The following PACRG variants were observed in gnomAD, a reference collection of about 807,000 sequenced individuals.
PACRG encodes parkin coregulated gene protein.
In PACRG, 29 loss-of-function variants were observed where a neutral mutation model predicts 29.7. The observed-to-expected ratio is 0.98, with a 90% CI of 0.73 to 1.33. PACRG has a LOEUF of 1.33. Ranked by LOEUF, PACRG falls within the 40% of genes most tolerant of loss-of-function variation. The probability of loss-of-function intolerance (pLI) is 0.00; values close to 1 mark genes in which losing one functional copy is unlikely to be tolerated. For synonymous variants in PACRG, 116 were observed against 118.7 expected, an observed-to-expected ratio of 0.98 and a Z score of 0.15; for missense variants, 279 against 316.2, an observed-to-expected ratio of 0.88 and a Z score of 0.89.
At chr6:162,856,085 C>G (rs1479699468) in intron 2 of PACRG, among the ~76,000 whole-genome samples, 2 of 152,114 alleles carry the variant, frequency 1.3e-5, no homozygotes, top group Admixed American at 1.3e-4. Context: ...GAGACTTGGT[C>G]TGGCTCTGTC....
intron 2 of PACRG, among the ~76,000 whole-genome samples, chr6:163,000,719 C>T (rs1164412475): frequency 1.3e-5 from 2 of 152,188 alleles, no homozygotes; most frequent in African/African-American, 4.8e-5. Context: ...TTTCATATCA[C>T]AGTACACAGC....
intron 4 of PACRG, among the ~76,000 whole-genome samples, chr6:163,303,119 C>G (rs902986848): frequency 6.6e-6 from 1 of 152,022 alleles, no homozygotes; most frequent in Non-Finnish European, 1.5e-5. Flanking sequence ...TGACTTAAGT[C>G]GAGACGTTCG....
In PACRG at chr6:163,217,226, G is replaced by T. The variant is rs536455067; in HGVS notation, c.614-97601G>T. ...TAGGGGTGCAGCCCGATTGTTGTAG[G>T]TATGATGCCCAAAGGCTAAAACAAG... On this transcript the variant is annotated intron_variant, in intron 4 of 4. Coordinates refer to ENST00000366888, the MANE Select transcript of PACRG (RefSeq NM_001080379.2). Among the ~76,000 whole-genome samples the T allele has an allele frequency of 4.6e-5, 7 of 152,336 alleles. No individual in the cohort carries two copies. In the East Asian group the frequency reaches 1.2e-3, roughly 25 times the overall value.
chr6:162,757,051 A>T (rs747198085), intron 1 of PACRG, among the ~76,000 whole-genome samples: 64 of 151,678 alleles, frequency 4.2e-4, no homozygotes, highest in Non-Finnish European at 1.2e-4. Flanking sequence ...TGCCTTGCTT[A>T]TTGTGAATTT....
At chr6:162,907,418 A>G (rs1796008456) in intron 2 of PACRG, among the ~76,000 whole-genome samples, 1 of 152,174 alleles carries the variant, frequency 6.6e-6, no homozygotes, top group African/African-American at 2.4e-5. Context: ...TATTTTTTAC[A>G]TGATCTGAAA....
At chr6:162,924,727 C>T (rs766906728) in intron 2 of PACRG, among the ~76,000 whole-genome samples, 18 of 151,636 alleles carry the variant, frequency 1.2e-4, no homozygotes, top group Non-Finnish European at 2.2e-4. Flanking sequence ...TCTTGCAAAT[C>T]GATACCCTAA....
chr6:162,986,598 C>T (rs1214534036), intron 2 of PACRG, among the ~76,000 whole-genome samples: 1 of 152,008 alleles, frequency 6.6e-6, no homozygotes, highest in Non-Finnish European at 1.5e-5. Context: ...GACCTAAAAC[C>T]ATAAAAATTC....
At chr6:162,767,035 T>C (rs563305101) in intron 1 of PACRG, among the ~76,000 whole-genome samples, 19 of 152,060 alleles carry the variant, frequency 1.2e-4, no homozygotes, top group Non-Finnish European at 1.6e-4. Context: ...ATTGACTTAA[T>C]TGCAACATGG....
chr6:163,270,039 AAG>A (rs1033961131), intron 4 of PACRG, among the ~76,000 whole-genome samples: 1 of 151,120 alleles, frequency 6.6e-6, no homozygotes, highest in African/African-American at 2.4e-5. Flanking sequence ...AGGAAGGAAG[AAG>A]AGAGAGAGAG....
rs1210703970 is a variant in PACRG at position 163,225,622 on chromosome 6, A to G, written c.614-89205A>G. On this transcript the variant is annotated intron_variant, in intron 4 of 4. Transcript: ENST00000366888. ...CGCACTGTTAGTGGGAGTGTAAATT[A>G]GTACAGCCATTATGGAAAACAGTAT... Among the ~76,000 whole-genome samples, 3 of 152,374 alleles carry G rather than the reference A, an allele frequency of 2.0e-5. No homozygotes were observed. In the East Asian group the frequency reaches 5.8e-4, roughly 29 times the overall value.
chr6:163,036,271 A>G (rs928907849), intron 2 of PACRG, among the ~76,000 whole-genome samples: 4 of 152,220 alleles, frequency 2.6e-5, no homozygotes, highest in Admixed American at 6.5e-5. Flanking sequence ...TTAGGGAATT[A>G]TTTAGCTCTC....
intron 2 of PACRG, among the ~76,000 whole-genome samples, chr6:162,973,644 T>C (rs965004155): frequency 1.5e-4 from 23 of 152,246 alleles, no homozygotes; most frequent in African/African-American, 5.1e-4. Flanking sequence ...TTCAACCTTT[T>C]TTGAGCTTAT....
intron 2 of PACRG, among the ~76,000 whole-genome samples, chr6:162,859,792 T>C (rs1334342304): frequency 2.0e-5 from 3 of 152,176 alleles, no homozygotes; most frequent in Non-Finnish European, 4.4e-5. Flanking sequence ...TCTATACAAC[T>C]GTACATTTTT....
At chr6:162,807,769 G>T (rs2128350184) in intron 1 of PACRG, among the ~76,000 whole-genome samples, 1 of 152,212 alleles carries the variant, frequency 6.6e-6, no homozygotes, top group Non-Finnish European at 1.5e-5. Context: ...TTGGAAAAAT[G>T]GCACTGATAG....
intron 2 of PACRG, among the ~76,000 whole-genome samples, chr6:162,976,174 G>A (rs1053784452): frequency 1.3e-5 from 2 of 152,224 alleles, no homozygotes; most frequent in Non-Finnish European, 2.9e-5. Flanking sequence ...GAGAAGGGAT[G>A]TTTGGCTCCA....
chr6:163,052,015 G>C (rs1185421276), intron 2 of PACRG: 1 of 152,028 alleles, frequency 6.6e-6, no homozygotes, highest in Non-Finnish European at 1.5e-5. Context: ...CATGATTTTA[G>C]TTGTATATTC....
At chr6:162,794,278 T>A (rs1785189930) in intron 1 of PACRG, among the ~76,000 whole-genome samples, 1 of 152,198 alleles carries the variant, frequency 6.6e-6, no homozygotes, top group Non-Finnish European at 1.5e-5. Context: ...TTACTATATA[T>A]TTCCTGCTTT....
At chr6:162,804,361 A>G (rs894216100) in intron 1 of PACRG, among the ~76,000 whole-genome samples, 5 of 152,194 alleles carry the variant, frequency 3.3e-5, no homozygotes, top group Non-Finnish European at 5.9e-5. Context: ...CTTGAATTTA[A>G]TAATCTAGGA....
chr6:162,757,723 A>G (rs1213233808), intron 1 of PACRG, among the ~76,000 whole-genome samples: 1 of 152,014 alleles, frequency 6.6e-6, no homozygotes, highest in African/African-American at 2.4e-5. Context: ...AAATAAATAA[A>G]TAAATAAAAT....
Sources: allele counts gnomAD v4.1 joint callset (sites outside exome capture counted in the v4.1 genomes callset), GRCh38; gene constraint gnomAD v4.1.1; transcripts MANE v1.5; gene names NCBI Gene and HGNC (gene_info 2026-07-23, HGNC 2026-07-21).